MFGE8: variants seen among roughly 807,000 people sequenced by gnomAD.
MFGE8 encodes lactadherin.
A neutral mutation model predicts 42.6 loss-of-function variants in MFGE8; 34 were observed. That is an observed-to-expected ratio of 0.80 (90% confidence interval 0.61 to 1.06). MFGE8 has a LOEUF of 1.06. Among genes scored for constraint, MFGE8 ranks in the 50% least tolerant of loss-of-function variants. The pLI, the probability that MFGE8 is intolerant of heterozygous loss-of-function variation, is 0.00. For missense variants in MFGE8, 510 were observed against 516.9 expected (o/e 0.99, Z 0.13); for synonymous variants, 230 against 214.8 (o/e 1.07, Z -0.62).
In MFGE8 at chr15:88,905,297, G is replaced by A. The variant is rs1267709647; in HGVS notation, c.685+460C>T. ...GTGTACCCTTAATAAATCATTCATCGGGGCCCCACGCCCCTCATTCATTCA... is the reference window on the plus strand; with the variant it reads ...GTGTACCCTTAATAAATCATTCATCAGGGCCCCACGCCCCTCATTCATTCA... On this transcript the variant is annotated intron_variant, in intron 5 of 7. Transcript: ENST00000268150. This position sits in a 1 kb window ranked among gnomAD's most constrained non-coding sequence, Gnocchi z 6.6. 3 of 363,672 alleles carry A rather than the reference G, an allele frequency of 8.2e-6. No individual in the cohort carries two copies. Among genetic ancestry groups the A allele is most frequent in the Non-Finnish European group, 1.6e-5 (3 of 185,446 alleles). The allele number at this position is 363,672 out of a possible 1,614,324, so 22.5% of individuals were successfully genotyped here.
At position 88,901,239 on chromosome 15, in the gene MFGE8, ACATTCACACGCACG is replaced by A. The variant is rs1359429949; in HGVS notation, c.870+298_870+311del. Reference sequence around the variant, plus strand: ...CATTCACACATACACATTCACACACACATTCACACGCACGCATTCACACGCACGCATTCACACAC... The same window carrying A: ...CATTCACACATACACATTCACACACACATTCACACGCACGCATTCACACAC... On this transcript the variant is annotated intron_variant, in intron 6 of 7. Coordinates refer to ENST00000268150, the MANE Select transcript of MFGE8 (RefSeq NM_005928.4). 4.7e-4 allele frequency among the ~76,000 whole-genome samples: 48 copies of A among 102,852 alleles called. 8 individuals carry two copies. The highest frequency in any genetic ancestry group is 1.1e-3 in the East Asian group (5 of 4,630). The allele number at this position is 102,852 out of a possible 152,430, so 67.5% of individuals were successfully genotyped here. A position where few individuals can be genotyped will look rare whatever the true frequency, so the allele number is the denominator to read the frequency against.
intron 1 of MFGE8, 50 bp downstream of exon 1, chr15:88,913,197 G>T: frequency 6.8e-7 from 1 of 1,480,634 alleles, no homozygotes; most frequent in Non-Finnish European, 8.9e-7. Flanking sequence ...AAACTTCCGA[G>T]CGGCGCGGGG....
Position 88,905,733 on chromosome 15 carries a change from C to A in MFGE8, c.685+24G>T. 6.2e-7 allele frequency: 1 copy of A among 1,613,818 alleles called. No homozygotes were observed. The highest frequency in any genetic ancestry group is 1.3e-5 in the African/African-American group (1 of 75,026). ...TCCTAGGATTGGCCAACAGTGCCCC[C>A]CTACCCGCACCCCCAGCACTCACCG... On this transcript the variant is annotated intron_variant, in intron 5 of 7. Transcript: ENST00000268150. The surrounding 1 kb of genome is among the most constrained non-coding windows in gnomAD (Gnocchi z 6.6).
Position 88,907,345 on chromosome 15 carries a change from C to T in MFGE8, c.237G>A (p.Gly79=), listed in dbSNP as rs890496351. 2 of 1,614,044 alleles carry T rather than the reference C, an allele frequency of 1.2e-6. No individual in the cohort carries two copies. Among genetic ancestry groups the T allele is most frequent in the African/African-American group, 2.7e-5 (2 of 74,934 alleles). ...CGGCGATCTGTGAGTTGGCAATGTT[C>T]CCATTCTCCAGGCCCAGTGGCTCGA... ...KCVEPLGLEN[G]NIANSQIAAS... Residue 79 remains glycine, a synonymous_variant, in exon 3 of 8, where the codon GGG becomes GGA. Transcript: ENST00000268150.
chr15:88,907,009 C>G lies in MFGE8; in HGVS notation c.387+186G>C, dbSNP rs550931882. Reference sequence around the variant, plus strand: ...TCCACAGCCTGGGGCCTCCTCCCCCCTCACCTTGACCCCATACCAGGTTCC... The same window carrying G: ...TCCACAGCCTGGGGCCTCCTCCCCCGTCACCTTGACCCCATACCAGGTTCC... On this transcript the variant is annotated intron_variant, in intron 3 of 7. Coordinates refer to ENST00000268150, the MANE Select transcript of MFGE8 (RefSeq NM_005928.4). 3.3e-5 allele frequency among the ~76,000 whole-genome samples: 5 copies of G among 152,356 alleles called. No individual in the cohort carries two copies. In the East Asian group the frequency reaches 5.8e-4, roughly 18 times the overall value.
At chr15:88,900,296 C>T in intron 6 of MFGE8, among the ~76,000 whole-genome samples, 1 of 151,916 alleles carries the variant, frequency 6.6e-6, no homozygotes, top group East Asian at 1.9e-4. Flanking sequence ...ACCTACTTTG[C>T]CACACATGGT....
rs750146161 is a variant in MFGE8 at position 88,906,788 on chromosome 15, G to A, written c.388-10C>T. ...TCCGCAGCAGGTTCACCTGGACACA[G>A]GGCAGGGGAGATGGCACCCTTATCT... On this transcript the variant is annotated splice_polypyrimidine_tract_variant and intron_variant, in intron 3 of 7. Coordinates refer to ENST00000268150, the MANE Select transcript of MFGE8 (RefSeq NM_005928.4). This position sits in a 1 kb window ranked among gnomAD's most constrained non-coding sequence, Gnocchi z 4.2. 1.2e-6 allele frequency: 2 copies of A among 1,612,306 alleles called. No homozygotes were observed. The highest frequency in any genetic ancestry group is 3.3e-5 in the Admixed American group (2 of 59,994).
rs1898546566 is a variant in MFGE8, at chr15:88,903,863, C to CGT, written c.685+1893_685+1894insAC. 1 of 152,376 alleles carries CGT rather than the reference C, an allele frequency of 6.6e-6. No individual in the cohort carries two copies. The highest frequency in any genetic ancestry group is 6.5e-5 in the Admixed American group (1 of 15,276). 9.4% of individuals were successfully genotyped at this position (152,376 alleles called of 1,614,324 possible). On this transcript the variant is annotated intron_variant, in intron 5 of 7. Coordinates refer to ENST00000268150, the MANE Select transcript of MFGE8 (RefSeq NM_005928.4). The surrounding 1 kb of genome is among the most constrained non-coding windows in gnomAD (Gnocchi z 4.9). ...TGGGGCTCTTCACCCACCAAGCTGC[C>CGT]CCTCCATCTCTTGGCTCCAGCTCCA...
In MFGE8 at chr15:88,909,845, G is replaced by A. The variant is rs1421894213; in HGVS notation, c.152C>T (p.Pro51Leu). The change falls in exon 2 of 8, where the codon CCC becomes CTC. Residue 51 changes from proline (P) to leucine (L), a missense_variant. Pro to Leu is a moderately conservative substitution (Grantham distance 98, BLOSUM62 -3). Coordinates refer to ENST00000268150, the MANE Select transcript of MFGE8 (RefSeq NM_005928.4). ...ISQEVRGDVF[P>L]SYTCTCLKGY... ...CTTAAGGCACGTGCAGGTGTACGAG[G>A]GGAAGACATCTCCTCGCACTTCTTG... The A allele has an allele frequency of 2.5e-6, 4 of 1,614,120 alleles. No individual in the cohort carries two copies. Among genetic ancestry groups the A allele is most frequent in the African/African-American group, 2.7e-5 (2 of 74,932 alleles).
intron 6 of MFGE8, 43 bp downstream of exon 6, chr15:88,901,508 T>TACCAC: frequency 4.3e-6 from 4 of 924,202 alleles, no homozygotes; most frequent in Non-Finnish European, 6.9e-6. Flanking sequence ...TCCCACCTCA[T>TACCAC]CCCACCCAAC....
chr15:88,912,095 GA>G (rs1898989933), intron 1 of MFGE8: 5 of 1,288,306 alleles, frequency 3.9e-6, no homozygotes, highest in Non-Finnish European at 5.1e-6. Flanking sequence ...AAGGGAAAGG[GA>G]AAGGTGTACT....
chr15:88,908,733 G>T (rs549482424), intron 2 of MFGE8, among the ~76,000 whole-genome samples: 2 of 152,104 alleles, frequency 1.3e-5, no homozygotes, highest in Non-Finnish European at 2.9e-5. Flanking sequence ...CAACCCGTCC[G>T]CCAAACCATA....
rs1898654973 is a variant in MFGE8 at position 88,905,925 on chromosome 15, G to C, written c.541-24C>G. ...TCCTAGCAGGGAAGGGACAAGACTG[G>C]AGAAGGGGGTCCATCTGAGCAGTCC... On this transcript the variant is annotated intron_variant, in intron 4 of 7. Coordinates refer to ENST00000268150, the MANE Select transcript of MFGE8 (RefSeq NM_005928.4). This position sits in a 1 kb window ranked among gnomAD's most constrained non-coding sequence, Gnocchi z 6.6. 12 of 1,614,070 alleles carry C rather than the reference G, an allele frequency of 7.4e-6. No homozygotes were observed. Among genetic ancestry groups the C allele is most frequent in the Non-Finnish European group, 1.0e-5 (12 of 1,179,964 alleles).
At position 88,905,552 on chromosome 15, in the gene MFGE8, G is replaced by A; in HGVS notation, c.685+205C>T. Reference sequence around the variant, plus strand: ...TTTCTCTATCAATCAGAATGCCCTGGGTCATGGGTTGGCAGACAGCAAACA... The same window carrying A: ...TTTCTCTATCAATCAGAATGCCCTGAGTCATGGGTTGGCAGACAGCAAACA... On this transcript the variant is annotated intron_variant, in intron 5 of 7. Transcript: ENST00000268150. The surrounding 1 kb of genome is among the most constrained non-coding windows in gnomAD (Gnocchi z 6.6). 1.4e-6 allele frequency: 1 copy of A among 716,028 alleles called. No individual in the cohort carries two copies. The highest frequency in any genetic ancestry group is 1.5e-5 in the South Asian group (1 of 67,248). 44.4% of individuals were successfully genotyped at this position (716,028 alleles called of 1,614,324 possible).
chr15:88,909,739 G>T, intron 2 of MFGE8, 53 bp downstream of exon 2: 1 of 1,611,880 alleles, frequency 6.2e-7, no homozygotes, highest in East Asian at 2.2e-5. Context: ...CACCAGGGCT[G>T]TGGCTCAGGG....
intron 6 of MFGE8, chr15:88,900,803 G>C (rs1449102457): frequency 1.1e-6 from 1 of 949,090 alleles, no homozygotes; most frequent in Non-Finnish European, 1.3e-6. Context: ...TGGCTTCTTA[G>C]ACACTGAGTC....
intron 2 of MFGE8, among the ~76,000 whole-genome samples, chr15:88,907,604 G>A (rs1287918341): frequency 6.6e-6 from 1 of 152,128 alleles, no homozygotes; most frequent in African/African-American, 2.4e-5. Flanking sequence ...GGATGAGGGG[G>A]GTGGGCAGAG....
rs10859 is a variant in MFGE8, at chr15:88,899,235, G to T, written c.*160C>A. On this transcript the variant is annotated 3_prime_UTR_variant, in exon 8 of 8. Transcript: ENST00000268150. This position sits in a 1 kb window ranked among gnomAD's most constrained non-coding sequence, Gnocchi z 6.8. ...TGGGGCAGGGCCCGTGAGAGGTGGA[G>T]GGTGGGAAAGAGGGAGGGAGGGGTG... The T allele has an allele frequency of 3.2e-6, 3 of 947,850 alleles. No individual in the cohort carries two copies. The highest frequency in any genetic ancestry group is 5.2e-5 in the East Asian group (2 of 38,104). The allele number at this position is 947,850 out of a possible 1,614,324, so 58.7% of individuals were successfully genotyped here.
chr15:88,902,762 C>T lies in MFGE8; in HGVS notation c.686-1027G>A, dbSNP rs1018624059. On this transcript the variant is annotated intron_variant, in intron 5 of 7. Coordinates refer to ENST00000268150, the MANE Select transcript of MFGE8 (RefSeq NM_005928.4). This position sits in a 1 kb window ranked among gnomAD's most constrained non-coding sequence, Gnocchi z 4.3. ...TCCCAAGAGAATGATGGGGGTGTCT[C>T]CCACCTGGAAGAATCCTCACTCCAC... 16 of 152,234 alleles carry T rather than the reference C, an allele frequency of 1.1e-4. No individual in the cohort carries two copies. The highest frequency in any genetic ancestry group is 3.6e-4 in the African/African-American group (15 of 41,458). 9.4% of individuals were successfully genotyped at this position (152,234 alleles called of 1,614,324 possible).
Sources: allele counts gnomAD v4.1 joint callset (sites outside exome capture counted in the v4.1 genomes callset), GRCh38; gene constraint gnomAD v4.1.1; non-coding constraint Gnocchi (gnomAD v3.1); transcripts MANE v1.5; gene names NCBI Gene and HGNC (gene_info 2026-07-23, HGNC 2026-07-21).